TSNARE1: variants seen among roughly 807,000 people sequenced by gnomAD.
TSNARE1 encodes the protein t-SNARE domain containing 1, also known as t-SNARE domain-containing protein 1.
Under a neutral mutation model 62.0 loss-of-function variants are expected in TSNARE1, and 49 were observed. That is an observed-to-expected ratio of 0.79 (90% confidence interval 0.63 to 1.00). The LOEUF is 1.00. Ranked by LOEUF, TSNARE1 falls within the 50% of genes least tolerant of loss-of-function variation. The pLI, the probability that TSNARE1 is intolerant of heterozygous loss-of-function variation, is 0.00. For missense variants in TSNARE1, 755 were observed against 700.1 expected, an observed-to-expected ratio of 1.08 and a Z score of -0.88; for synonymous variants, 328 against 294.4, an observed-to-expected ratio of 1.11 and a Z score of -1.17.
chr8:142,279,999 C>T (rs961352906), intron 11 of TSNARE1: 2 of 1,181,536 alleles, frequency 1.7e-6, no homozygotes, highest in Middle Eastern at 3.8e-4. Flanking sequence ...CAGCACCTCG[C>T]AGGTCCCGCC....
At chr8:142,393,764 G>A (rs1837708412) in intron 1 of TSNARE1, among the ~76,000 whole-genome samples, 2 of 152,156 alleles carry the variant, frequency 1.3e-5, no homozygotes, top group African/African-American at 4.8e-5. Context: ...GGAAAATCGA[G>A]GGAAAGCCTG....
At chr8:142,261,029 A>AAGG (rs1563786760) in intron 12 of TSNARE1, among the ~76,000 whole-genome samples, 4 of 84,880 alleles carry the variant, frequency 4.7e-5, no homozygotes, top group Non-Finnish European at 7.3e-5. Flanking sequence ...GACAGGGAGG[A>AAGG]GAGAAAGAGG....
intron 10 of TSNARE1, among the ~76,000 whole-genome samples, chr8:142,297,096 T>C (rs1435525780): frequency 1.3e-5 from 2 of 152,132 alleles, no homozygotes; most frequent in Admixed American, 1.3e-4. Context: ...ATGAGGCAAA[T>C]CGGGGTTCAA....
chr8:142,291,966 C>G lies in TSNARE1; in HGVS notation c.1291-7481G>C, dbSNP rs376482393. On this transcript the variant is annotated intron_variant, in intron 10 of 13. Coordinates refer to ENST00000524325, the MANE Select transcript of TSNARE1 (RefSeq NM_145003.5). The surrounding 1 kb of genome is among the most constrained non-coding windows in gnomAD (Gnocchi z 4.8). ...GGACGGTCACAGCAACGCACGCCCC[C>G]CCCGGCCCCCCACCTGTTTCAAGCA... Among the ~76,000 whole-genome samples the G allele has an allele frequency of 6.6e-6, 1 of 151,882 alleles. No homozygotes were observed. Among genetic ancestry groups the G allele is most frequent in the East Asian group, 1.9e-4 (1 of 5,140 alleles).
chr8:142,263,144 G>A (rs1410561400), intron 12 of TSNARE1, among the ~76,000 whole-genome samples: 1 of 152,172 alleles, frequency 6.6e-6, no homozygotes, highest in Non-Finnish European at 1.5e-5. Flanking sequence ...AATGTTCGCT[G>A]TTGAGGTTTT....
intron 1 of TSNARE1, among the ~76,000 whole-genome samples, chr8:142,355,460 G>A (rs1834648968): frequency 1.3e-5 from 2 of 152,200 alleles, no homozygotes; most frequent in South Asian, 2.1e-4. Flanking sequence ...TGGGAGTGGC[G>A]CCACCCTTGG....
At chr8:142,256,382 T>TATCACCACCACCACCAC (rs1181129270) in intron 12 of TSNARE1, among the ~76,000 whole-genome samples, 71 of 872 alleles carry the variant, frequency 0.081, 1 homozygote, top group Non-Finnish European at 0.096. Context: ...ACCACCATCA[T>TATCACCACCACCACCAC]CATCACCAAT....
At chr8:142,362,185 T>C (rs889807443) in intron 1 of TSNARE1, among the ~76,000 whole-genome samples, 1 of 152,136 alleles carries the variant, frequency 6.6e-6, no homozygotes, top group Non-Finnish European at 1.5e-5. Context: ...GAAGGGGCAG[T>C]CCCAGGAAAA....
chr8:142,359,356 GT>G (rs1445723704), intron 1 of TSNARE1, among the ~76,000 whole-genome samples: 12 of 152,136 alleles, frequency 7.9e-5, no homozygotes, highest in Admixed American at 7.2e-4. Flanking sequence ...CGCTGGCCCG[GT>G]CCAGTGCATC....
intron 6 of TSNARE1, among the ~76,000 whole-genome samples, chr8:142,329,827 T>A (rs931066975): frequency 1.3e-5 from 2 of 152,102 alleles, no homozygotes; most frequent in African/African-American, 4.8e-5. Flanking sequence ...AGTTTCAGTT[T>A]TATAAAAGAG....
In TSNARE1 at chr8:142,255,830, CCACCACCACCACCAT is replaced by C. The variant is rs1198080501; in HGVS notation, c.1446+18936_1446+18950del. On this transcript the variant is annotated intron_variant, in intron 12 of 13. Transcript: ENST00000524325. ...ACCACCACTGTCACCATCACCACCACCACCACCACCACCATCACCACCACCATCACCATCACCACC... is the reference window on the plus strand; with the variant it reads ...ACCACCACTGTCACCATCACCACCACCACCACCACCATCACCATCACCACC... Among the ~76,000 whole-genome samples the C allele has an allele frequency of 2.6e-3, 67 of 25,440 alleles. 2 individuals carry two copies. The highest frequency in any genetic ancestry group is 5.0e-3 in the East Asian group (4 of 802). 16.7% of individuals were successfully genotyped at this position (25,440 alleles called of 152,430 possible). A position where few individuals can be genotyped will look rare whatever the true frequency, so the allele number is the denominator to read the frequency against.
chr8:142,399,950 T>A (rs921100414), intron 1 of TSNARE1, among the ~76,000 whole-genome samples: 1 of 151,806 alleles, frequency 6.6e-6, no homozygotes, highest in East Asian at 1.9e-4. Context: ...ATCCCAGCAC[T>A]CCGGGAGGCT....
chr8:142,266,913 G>A (rs115346774), intron 12 of TSNARE1, among the ~76,000 whole-genome samples: 5 of 152,110 alleles, frequency 3.3e-5, no homozygotes, highest in South Asian at 4.1e-4. Context: ...AGAAATCTTC[G>A]AGTTTGCTAT....
At chr8:142,328,827 G>C (rs1332230878) in intron 6 of TSNARE1, among the ~76,000 whole-genome samples, 4 of 105,918 alleles carry the variant, frequency 3.8e-5, no homozygotes, top group African/African-American at 1.3e-4. Context: ...TTGGGGGGGG[G>C]GAGGGTTCCG....
At chr8:142,353,378 G>C (rs538675999) in intron 2 of TSNARE1, among the ~76,000 whole-genome samples, 2 of 152,222 alleles carry the variant, frequency 1.3e-5, no homozygotes, top group African/African-American at 4.8e-5. Flanking sequence ...CGGGAAGGAG[G>C]AAAGGGAGGC....
At chr8:142,343,942 AG>A in intron 4 of TSNARE1, 23 bp downstream of exon 4, 2 of 1,501,736 alleles carry the variant, frequency 1.3e-6, no homozygotes, top group Non-Finnish European at 1.8e-6. Context: ...CACCCTAGCA[AG>A]GTGAGCTGAG....
chr8:142,214,198 AAGG>A (rs1258434240), intron 13 of TSNARE1, among the ~76,000 whole-genome samples: 3 of 152,100 alleles, frequency 2.0e-5, no homozygotes, highest in Admixed American at 2.0e-4. Flanking sequence ...GGAACCCAGA[AAGG>A]AGGATGGGCG....
At chr8:142,283,581 T>C (rs1346872809) in intron 11 of TSNARE1, among the ~76,000 whole-genome samples, 2 of 113,164 alleles carry the variant, frequency 1.8e-5, no homozygotes, top group African/African-American at 4.0e-5. Flanking sequence ...TGTCTGTCAA[T>C]GAGCAGAGGC....
chr8:142,356,400 A>T (rs1469348266), intron 1 of TSNARE1, among the ~76,000 whole-genome samples: 1 of 152,210 alleles, frequency 6.6e-6, no homozygotes, highest in African/African-American at 2.4e-5. Context: ...GTTAGGTCTC[A>T]GTAGGAGGCA....
Sources: allele counts gnomAD v4.1 joint callset (sites outside exome capture counted in the v4.1 genomes callset), GRCh38; gene constraint gnomAD v4.1.1; non-coding constraint Gnocchi (gnomAD v3.1); transcripts MANE v1.5; gene names NCBI Gene and HGNC (gene_info 2026-07-23, HGNC 2026-07-21).